The following MDGA2 variants were observed in gnomAD, a reference collection of about 807,000 sequenced individuals.
MDGA2 encodes MAM domain-containing glycosylphosphatidylinositol anchor protein 2.
In MDGA2, 40 loss-of-function variants were observed where a neutral mutation model predicts 117.8. The observed-to-expected ratio is 0.34, with a 90% CI of 0.26 to 0.44. MDGA2 has a LOEUF of 0.44. Ranked by LOEUF, MDGA2 falls within the 20% of genes least tolerant of loss-of-function variation. The pLI, the probability that MDGA2 is intolerant of heterozygous loss-of-function variation, is 1.00. For synonymous variants in MDGA2, 452 were observed against 439.0 expected (o/e 1.03, Z -0.37); for missense variants, 1,123 against 1,250.6 (o/e 0.90, Z 1.54).
intron 1 of MDGA2, among the ~76,000 whole-genome samples, chr14:47,322,198 A>G (rs1890000553): frequency 6.6e-6 from 1 of 152,170 alleles, no homozygotes; most frequent in Non-Finnish European, 1.5e-5. Flanking sequence ...GCCATATGTC[A>G]CAGAGCATAC....
At chr14:47,445,055 T>C (rs1265045796) in intron 1 of MDGA2, among the ~76,000 whole-genome samples, 1 of 152,094 alleles carries the variant, frequency 6.6e-6, no homozygotes, top group African/African-American at 2.4e-5. Context: ...AGGATATGCA[T>C]GGAGAGAGAA....
intron 12 of MDGA2, among the ~76,000 whole-genome samples, chr14:46,877,182 A>G (rs1882265333): frequency 6.6e-6 from 1 of 151,666 alleles, no homozygotes; most frequent in Non-Finnish European, 1.5e-5. Flanking sequence ...ATGATATGCA[A>G]TCCCACAAAA....
intron 1 of MDGA2, among the ~76,000 whole-genome samples, chr14:47,561,275 T>C (rs1172446187): frequency 1.3e-5 from 2 of 151,682 alleles, no homozygotes; most frequent in South Asian, 2.1e-4. Context: ...AAGAATGTCA[T>C]TGGTAGTTTT....
intron 1 of MDGA2, among the ~76,000 whole-genome samples, chr14:47,539,637 T>G (rs1253078901): frequency 6.6e-6 from 1 of 152,210 alleles, no homozygotes; most frequent in Non-Finnish European, 1.5e-5. Context: ...CTATACAGAT[T>G]GTTTAAAGAG....
intron 1 of MDGA2, among the ~76,000 whole-genome samples, chr14:47,584,783 A>C (rs1326536553): frequency 6.6e-6 from 1 of 151,854 alleles, no homozygotes; most frequent in Non-Finnish European, 1.5e-5. Context: ...TCCATGAATT[A>C]ATCATTGCCT....
At chr14:47,324,533 C>A (rs556637236) in intron 1 of MDGA2, among the ~76,000 whole-genome samples, 2 of 152,118 alleles carry the variant, frequency 1.3e-5, no homozygotes, top group Non-Finnish European at 2.9e-5. Flanking sequence ...GCAGAACCAT[C>A]GAGCCAACTC....
At chr14:47,358,895 G>T (rs1366847704) in intron 1 of MDGA2, among the ~76,000 whole-genome samples, 1 of 152,252 alleles carries the variant, frequency 6.6e-6, no homozygotes, top group East Asian at 1.9e-4. Context: ...ATCTAAAGTG[G>T]TATACAGATT....
At chr14:47,449,307 T>G (rs1428972811) in intron 1 of MDGA2, among the ~76,000 whole-genome samples, 2 of 152,234 alleles carry the variant, frequency 1.3e-5, no homozygotes, top group South Asian at 4.1e-4. Context: ...GAGTTGCTTA[T>G]GGGTCTCAAG....
chr14:47,621,028 TAAAC>T (rs1383275959), intron 1 of MDGA2, among the ~76,000 whole-genome samples: 1 of 152,222 alleles, frequency 6.6e-6, no homozygotes, highest in Non-Finnish European at 1.5e-5. Context: ...GGAGATTACT[TAAAC>T]AGAGCAAATC....
At chr14:47,399,809 G>T (rs969619726) in intron 1 of MDGA2, among the ~76,000 whole-genome samples, 12 of 151,904 alleles carry the variant, frequency 7.9e-5, no homozygotes, top group African/African-American at 2.2e-4. Flanking sequence ...TCAAATTTAG[G>T]ATATAAAAAT....
chr14:47,593,514 G>C (rs1007790046), intron 1 of MDGA2, among the ~76,000 whole-genome samples: 2 of 152,176 alleles, frequency 1.3e-5, no homozygotes, highest in Admixed American at 6.5e-5. Flanking sequence ...TAAAGAAAAT[G>C]TGGTACATAG....
At chr14:47,439,500 A>G (rs894139863) in intron 1 of MDGA2, among the ~76,000 whole-genome samples, 17 of 152,112 alleles carry the variant, frequency 1.1e-4, no homozygotes, top group African/African-American at 4.1e-4. Context: ...AACATTCTCC[A>G]TTGTCAGTGG....
intron 8 of MDGA2, among the ~76,000 whole-genome samples, chr14:46,968,688 T>A (rs566932980): frequency 6.9e-4 from 98 of 141,450 alleles, no homozygotes; most frequent in Non-Finnish European, 1.3e-3. Context: ...AAAAAAAAAA[T>A]TAGTTGGGTA....
chr14:47,573,271 T>C (rs2138825267), intron 1 of MDGA2, among the ~76,000 whole-genome samples: 1 of 152,286 alleles, frequency 6.6e-6, no homozygotes, highest in Non-Finnish European at 1.5e-5. Context: ...ATTATTCTTT[T>C]GGGGAGTGTT....
intron 8 of MDGA2, among the ~76,000 whole-genome samples, chr14:46,987,383 A>G (rs970958286): frequency 6.6e-6 from 1 of 152,098 alleles, no homozygotes; most frequent in Non-Finnish European, 1.5e-5. Context: ...AAAAATGTCT[A>G]ATGTACAGAA....
At chr14:47,217,785 C>T (rs1169169040) in intron 3 of MDGA2, among the ~76,000 whole-genome samples, 1 of 151,932 alleles carries the variant, frequency 6.6e-6, no homozygotes, top group South Asian at 2.1e-4. Context: ...TTACTGTCTT[C>T]TTGTTAATAT....
intron 8 of MDGA2, among the ~76,000 whole-genome samples, chr14:47,020,100 C>T (rs1186452370): frequency 6.6e-6 from 1 of 151,546 alleles, no homozygotes; most frequent in Non-Finnish European, 1.5e-5. Flanking sequence ...AAGGCACAGA[C>T]ATTTTGGGAT....
At chr14:47,120,621 G>C (rs949786294) in intron 5 of MDGA2, among the ~76,000 whole-genome samples, 1 of 152,156 alleles carries the variant, frequency 6.6e-6, no homozygotes, top group African/African-American at 2.4e-5. Flanking sequence ...GCTGGAAATT[G>C]AGGGAACAGC....
intron 14 of MDGA2, among the ~76,000 whole-genome samples, chr14:46,861,398 A>T (rs1881501509): frequency 6.6e-6 from 1 of 151,814 alleles, no homozygotes; most frequent in African/African-American, 2.4e-5. Context: ...AATTATGTTT[A>T]TATTTCTTAA....
Sources: gnomAD v4.1 joint callset for allele counts (sites outside exome capture counted in the v4.1 genomes callset) on GRCh38, gnomAD v4.1.1 for gene constraint, MANE v1.5 for transcripts, NCBI Gene and HGNC (gene_info 2026-07-23, HGNC 2026-07-21) for gene names.